Variants in NOX4 observed in about 807,000 individuals in gnomAD.
NOX4 encodes kidney oxidase-1.
A neutral mutation model predicts 87.6 loss-of-function variants in NOX4; 69 were observed. That is an observed-to-expected ratio of 0.79 (90% CI 0.65 to 0.96). NOX4 has a LOEUF of 0.96. Among genes scored for constraint, NOX4 ranks in the 40% least tolerant of loss-of-function variants. The pLI is 0.00. For synonymous variants in NOX4, 275 were observed against 238.2 expected, an observed-to-expected ratio of 1.15 and a Z score of -1.42; for missense variants, 680 against 681.5, an observed-to-expected ratio of 1.00 and a Z score of 0.02.
intron 11 of NOX4, among the ~76,000 whole-genome samples, chr11:89,386,427 A>T (rs1940705647): frequency 6.6e-6 from 1 of 152,106 alleles, no homozygotes; most frequent in Non-Finnish European, 1.5e-5. Context: ...CTTAAAGAGG[A>T]TAGATGATCT....
At position 89,354,967 on chromosome 11, in the gene NOX4, A is replaced by G. The variant is rs764793050; in HGVS notation, c.1212T>C (p.Tyr404=). 1 of 1,585,164 alleles carries G rather than the reference A, an allele frequency of 6.3e-7. No homozygotes were observed. The change falls in exon 13 of 18, where the codon TAT becomes TAC. Residue 404 remains tyrosine (Y), a synonymous_variant. Transcript: ENST00000263317. ...AGTGAACTCCTTTTGCTTACTTGGGATAATTTCTAGATTGAATGAAGGGCA... is the reference window on the plus strand; with the variant it reads ...AGTGAACTCCTTTTGCTTACTTGGGGTAATTTCTAGATTGAATGAAGGGCA... ...EILPFIQSRN[Y]PKLYIDGPFG... is the part of the protein sequence containing the mutation.
intron 1 of NOX4, among the ~76,000 whole-genome samples, chr11:89,497,666 A>G (rs556157937): frequency 2.6e-5 from 4 of 152,178 alleles, no homozygotes; most frequent in African/African-American, 9.7e-5. Context: ...TGTTTGATTA[A>G]TGACTATATC....
intron 6 of NOX4, among the ~76,000 whole-genome samples, chr11:89,433,339 A>T (rs1014888379): frequency 1.2e-4 from 18 of 151,792 alleles, no homozygotes; most frequent in Non-Finnish European, 2.5e-4. Flanking sequence ...AGAATATTCC[A>T]TTTTTTTTAA....
rs571611722 is a variant in NOX4 at position 89,461,128 on chromosome 11, A to G, written c.154-9233T>C. ...AACAATGAGAACACATGGACACAGGAAGGGGAACATCACAATCCGGGGCCT... is the reference window on the plus strand; with the variant it reads ...AACAATGAGAACACATGGACACAGGGAGGGGAACATCACAATCCGGGGCCT... On this transcript the variant is annotated intron_variant, in intron 2 of 17. Coordinates refer to ENST00000263317, the MANE Select transcript of NOX4 (RefSeq NM_016931.5). Among the ~76,000 whole-genome samples the G allele has an allele frequency of 6.6e-5, 10 of 152,106 alleles. No homozygotes were observed. The South Asian group carries it at 2.1e-3, about 32-fold the overall frequency.
At chr11:89,563,787 TTTC>T in the NOX4 span, among the ~76,000 whole-genome samples, 1 of 152,186 alleles carries the variant, frequency 6.6e-6, no homozygotes, top group African/African-American at 2.4e-5. Flanking sequence ...ATTATTTGTC[TTTC>T]TTAACATTAC....
At chr11:89,518,953 G>A in the NOX4 span, among the ~76,000 whole-genome samples, 1 of 151,894 alleles carries the variant, frequency 6.6e-6, no homozygotes, top group Non-Finnish European at 1.5e-5. Flanking sequence ...AAAATTAGAT[G>A]GTAAAGAATA....
the NOX4 span, among the ~76,000 whole-genome samples, chr11:89,523,847 A>G: frequency 6.6e-6 from 1 of 152,228 alleles, no homozygotes; most frequent in East Asian, 1.9e-4. Flanking sequence ...TCTCAAAATC[A>G]TTATATGGAT....
chr11:89,406,559 A>G (rs1303398775), intron 8 of NOX4, among the ~76,000 whole-genome samples: 2 of 152,138 alleles, frequency 1.3e-5, no homozygotes, highest in African/African-American at 4.8e-5. Context: ...TAGTTTCAAT[A>G]TTATGGTCAC....
At chr11:89,369,394 A>T (rs1800634503) in intron 12 of NOX4, among the ~76,000 whole-genome samples, 1 of 152,062 alleles carries the variant, frequency 6.6e-6, no homozygotes, top group Non-Finnish European at 1.5e-5. Context: ...AAAAATGATA[A>T]ACTCCCCATG....
intron 2 of NOX4, among the ~76,000 whole-genome samples, chr11:89,474,458 CAAAAA>C (rs67342388): frequency 2.1e-5 from 2 of 97,032 alleles, no homozygotes; most frequent in African/African-American, 6.7e-5. Flanking sequence ...TCTATAATAC[CAAAAA>C]AAAAAAAAAA....
chr11:89,409,748 T>G (rs1942376767), intron 8 of NOX4, among the ~76,000 whole-genome samples: 1 of 152,140 alleles, frequency 6.6e-6, no homozygotes, highest in East Asian at 1.9e-4. Flanking sequence ...TAAAAAAACT[T>G]TATATCTTAA....
chr11:89,425,453 T>C (rs968621404), intron 7 of NOX4, among the ~76,000 whole-genome samples: 56 of 150,660 alleles, frequency 3.7e-4, no homozygotes, highest in African/African-American at 1.3e-3. Context: ...AAACATTTAG[T>C]AATATGGGTC....
chr11:89,373,049 G>T (rs2135058006), intron 12 of NOX4, among the ~76,000 whole-genome samples: 1 of 151,736 alleles, frequency 6.6e-6, no homozygotes, highest in East Asian at 1.9e-4. Context: ...TGCAAGAACT[G>T]GAAGATTTGT....
the NOX4 span, among the ~76,000 whole-genome samples, chr11:89,543,269 T>A: frequency 6.6e-6 from 1 of 152,164 alleles, no homozygotes; most frequent in African/African-American, 2.4e-5. Flanking sequence ...ATTGACAAGA[T>A]GGAAGAAAGA....
At chr11:89,347,639 C>A (rs1946274695) in intron 13 of NOX4, among the ~76,000 whole-genome samples, 2 of 152,230 alleles carry the variant, frequency 1.3e-5, no homozygotes, top group Non-Finnish European at 2.9e-5. Flanking sequence ...GAATGTGACT[C>A]AAGGGAAAAA....
chr11:89,475,343 GAAAAT>G (rs1000652990), intron 2 of NOX4, among the ~76,000 whole-genome samples: 1 of 151,836 alleles, frequency 6.6e-6, no homozygotes, highest in African/African-American at 2.4e-5. Context: ...TTTTTCTTAA[GAAAAT>G]AAGGTAGGGC....
At chr11:89,350,376 A>G (rs1015458602) in intron 13 of NOX4, among the ~76,000 whole-genome samples, 1 of 152,200 alleles carries the variant, frequency 6.6e-6, no homozygotes, top group Non-Finnish European at 1.5e-5. Context: ...ATACATTTCC[A>G]TATTTCATTA....
chr11:89,530,507 T>C, the NOX4 span, among the ~76,000 whole-genome samples: 1 of 129,132 alleles, frequency 7.7e-6, no homozygotes, highest in South Asian at 2.5e-4. Context: ...CACATCTGTC[T>C]ACTTTTTTTT....
chr11:89,403,878 A>G (rs1942019845), intron 8 of NOX4, among the ~76,000 whole-genome samples: 1 of 152,110 alleles, frequency 6.6e-6, no homozygotes, highest in Non-Finnish European at 1.5e-5. Flanking sequence ...TGTATTCACC[A>G]TCTCCTCATC....
Sources: gnomAD v4.1 joint callset for allele counts (sites outside exome capture counted in the v4.1 genomes callset) on GRCh38, gnomAD v4.1.1 for gene constraint, MANE v1.5 for transcripts, NCBI Gene and HGNC (gene_info 2026-07-23, HGNC 2026-07-21) for gene names.